UBXN2B: variants seen among roughly 807,000 people sequenced by gnomAD.
The protein encoded by UBXN2B is UBX domain protein 2B, also known as UBX domain-containing protein 2B.
Under a neutral mutation model 37.5 loss-of-function variants are expected in UBXN2B, and 19 were observed. The ratio of observed to expected loss-of-function variants is 0.51; its 90% CI spans 0.35 to 0.74. UBXN2B has a LOEUF of 0.74. UBXN2B is among the 30% of genes least tolerant of loss of function. The pLI, the probability that UBXN2B is intolerant of heterozygous loss-of-function variation, is 0.01. For synonymous variants in UBXN2B, 145 were observed against 143.8 expected (o/e 1.01, Z -0.06); for missense variants, 370 against 393.2 (o/e 0.94, Z 0.50).
rs1293531369 is a variant in UBXN2B, at chr8:58,449,010, A to G, written c.*1459A>G. The stretch of plus-strand genomic sequence containing the variant: ...ATTCCACCTTCTACAGGACATCCTC[A>G]TTCCTTGGCTTGTGACCTCCTTCTT... On this transcript the variant is annotated 3_prime_UTR_variant, in exon 8 of 8. Transcript: ENST00000399598. The G allele has an allele frequency of 1.3e-5, 2 of 152,178 alleles. No homozygotes were observed. Among genetic ancestry groups the G allele is most frequent in the Admixed American group, 6.6e-5 (1 of 15,258 alleles). 9.4% of individuals were successfully genotyped at this position (152,178 alleles called of 1,614,324 possible). A position where few individuals can be genotyped will look rare whatever the true frequency, so the allele number is the denominator to read the frequency against.
At chr8:58,436,813 C>T (rs890898573) in intron 5 of UBXN2B, among the ~76,000 whole-genome samples, 10 of 152,314 alleles carry the variant, frequency 6.6e-5, no homozygotes, top group Non-Finnish European at 1.3e-4. Context: ...TTCCCTGCGG[C>T]TTCACCAGAA....
intron 3 of UBXN2B, 50 bp downstream of exon 3, chr8:58,430,719 T>C (rs1808250429): frequency 7.7e-7 from 1 of 1,298,706 alleles, no homozygotes; most frequent in Non-Finnish European, 1.0e-6. Flanking sequence ...TTTTACCTCC[T>C]CTTTCATTTT....
chr8:58,438,189 G>T (rs1808461373), intron 5 of UBXN2B, among the ~76,000 whole-genome samples: 1 of 152,196 alleles, frequency 6.6e-6, no homozygotes, highest in Non-Finnish European at 1.5e-5. Flanking sequence ...TAAGCCTACA[G>T]GCACACAGAA....
rs1387397137 is a variant in UBXN2B, at chr8:58,448,908, T to A, written c.*1357T>A. ...GTAGGTTAGGAGTCCAGGTTAAGAG[T>A]TTCGCGGTGCCAAGATCAATTTGTT... On this transcript the variant is annotated 3_prime_UTR_variant, in exon 8 of 8. Transcript: ENST00000399598. 1 of 152,162 alleles carries A rather than the reference T, an allele frequency of 6.6e-6. No homozygotes were observed. Among genetic ancestry groups the A allele is most frequent in the Non-Finnish European group, 1.5e-5 (1 of 68,036 alleles). The allele number at this position is 152,162 out of a possible 1,614,324, so 9.4% of individuals were successfully genotyped here.
chr8:58,450,886 T>C lies in UBXN2B; in HGVS notation c.*3335T>C, dbSNP rs1307779717. The C allele has an allele frequency of 6.6e-6, 1 of 152,286 alleles. No homozygotes were observed. Among genetic ancestry groups the C allele is most frequent in the Non-Finnish European group, 1.5e-5 (1 of 68,036 alleles). The allele number at this position is 152,286 out of a possible 1,614,324, so 9.4% of individuals were successfully genotyped here. Reference sequence around the variant, plus strand: ...AGGATGAAAGTGGTGAGCCCACCACTGCAGAGAAGTTTTCTCAGTGCCGTA... The same window carrying C: ...AGGATGAAAGTGGTGAGCCCACCACCGCAGAGAAGTTTTCTCAGTGCCGTA... On this transcript the variant is annotated 3_prime_UTR_variant, in exon 8 of 8. Coordinates refer to ENST00000399598, the MANE Select transcript of UBXN2B (RefSeq NM_001077619.2).
intron 6 of UBXN2B, among the ~76,000 whole-genome samples, chr8:58,440,189 A>T (rs755525694): frequency 6.6e-6 from 1 of 152,198 alleles, no homozygotes; most frequent in Non-Finnish European, 1.5e-5. Context: ...GCTTTTCACC[A>T]CTATATTATA....
At chr8:58,441,876 A>G (rs1808560976) in intron 6 of UBXN2B, among the ~76,000 whole-genome samples, 1 of 152,228 alleles carries the variant, frequency 6.6e-6, no homozygotes, top group South Asian at 2.1e-4. Flanking sequence ...TGGTAGTAAT[A>G]GGTTTCTTAC....
chr8:58,447,366 T>C, intron 7 of UBXN2B, 23 bp from the exon 8 acceptor site: 1 of 1,524,600 alleles, frequency 6.6e-7, no homozygotes, highest in Non-Finnish European at 8.8e-7. Flanking sequence ...ATATTACAAA[T>C]TATTTTTGTC....
intron 2 of UBXN2B, chr8:58,425,392 T>G: frequency 8.8e-7 from 1 of 1,132,268 alleles, no homozygotes; most frequent in Non-Finnish European, 1.3e-6. Flanking sequence ...TGTGGCAATG[T>G]AACTCTTCTT....
chr8:58,435,930 A>G (rs866182036), intron 5 of UBXN2B, among the ~76,000 whole-genome samples: 15 of 152,316 alleles, frequency 9.8e-5, no homozygotes, highest in Middle Eastern at 3.4e-3. Flanking sequence ...ACTATCCTCA[A>G]AGAAGAACTC....
chr8:58,434,245 A>G (rs921823565), intron 4 of UBXN2B, 150 bp from the exon 5 acceptor site: 2 of 230,198 alleles, frequency 8.7e-6, no homozygotes, highest in East Asian at 9.4e-5. Context: ...TGAATAAAGA[A>G]TAGTAGAAAT....
At chr8:58,438,653 A>C in intron 5 of UBXN2B, among the ~76,000 whole-genome samples, 1 of 152,272 alleles carries the variant, frequency 6.6e-6, no homozygotes, top group Admixed American at 6.5e-5. Context: ...TAAATAGTTA[A>C]TTTTTTATCT....
chr8:58,411,603 G>A (rs2859998), intron 1 of UBXN2B, 134 bp downstream of exon 1: 198,840 of 681,614 alleles, frequency 0.29, 31,870 homozygotes, highest in East Asian at 0.53. Flanking sequence ...AGAATCCGGC[G>A]CCCGGTCTCC....
At chr8:58,428,941 A>G (rs1030752133) in intron 2 of UBXN2B, among the ~76,000 whole-genome samples, 2 of 152,214 alleles carry the variant, frequency 1.3e-5, no homozygotes, top group African/African-American at 4.8e-5. Flanking sequence ...CCTCTACCTT[A>G]TACCACCTAT....
chr8:58,434,142 A>G (rs1182584095), intron 4 of UBXN2B, among the ~76,000 whole-genome samples: 1 of 152,182 alleles, frequency 6.6e-6, no homozygotes, highest in African/African-American at 2.4e-5. Flanking sequence ...GTCCACCTGC[A>G]GGACCTTTGG....
In UBXN2B at chr8:58,430,957, TCCCCCAATGGTTC is replaced by T. The variant is rs534255777; in HGVS notation, c.339+301_339+313del. On this transcript the variant is annotated intron_variant, in intron 3 of 7. Coordinates refer to ENST00000399598, the MANE Select transcript of UBXN2B (RefSeq NM_001077619.2). ...TCATGTACCTTTCACTTCAATGGTTTCCCCCAATGGTTCCCCCCAATGGTTACGTTTCACATGA... is the reference window on the plus strand; with the variant it reads ...TCATGTACCTTTCACTTCAATGGTTTCCCCCAATGGTTACGTTTCACATGA... Among the ~76,000 whole-genome samples the T allele has an allele frequency of 3.3e-5, 5 of 152,278 alleles. No individual in the cohort carries two copies. In the South Asian group the frequency reaches 8.3e-4, roughly 25 times the overall value.
intron 1 of UBXN2B, among the ~76,000 whole-genome samples, chr8:58,414,199 C>T (rs192630352): frequency 1.7e-4 from 26 of 152,232 alleles, no homozygotes; most frequent in African/African-American, 5.8e-4. Context: ...TATTCTGTAT[C>T]GTTGATTCTC....
chr8:58,435,104 C>T (rs1197897246), intron 5 of UBXN2B: 1 of 1,417,992 alleles, frequency 7.1e-7, no homozygotes, highest in East Asian at 2.6e-5. Context: ...TATGATTAAA[C>T]TAGCTGAAAG....
chr8:58,416,237 A>G (rs1807778989), intron 1 of UBXN2B, among the ~76,000 whole-genome samples: 1 of 152,050 alleles, frequency 6.6e-6, no homozygotes. Context: ...AACAAATATA[A>G]TTTTATTTCA....
Sources: gnomAD v4.1 joint callset for allele counts (sites outside exome capture counted in the v4.1 genomes callset) on GRCh38, gnomAD v4.1.1 for gene constraint, MANE v1.5 for transcripts, NCBI Gene and HGNC (gene_info 2026-07-23, HGNC 2026-07-21) for gene names.